RBFOX1: variants seen among roughly 807,000 people sequenced by gnomAD.
RBFOX1 encodes the protein RNA binding fox-1 homolog 1.
In RBFOX1, 8 loss-of-function variants were observed where a neutral mutation model predicts 57.7. That is an observed-to-expected ratio of 0.14 (90% CI 0.08 to 0.25). The LOEUF (loss-of-function observed/expected upper bound fraction) is 0.25. Ranked by LOEUF, RBFOX1 falls within the 10% of genes least tolerant of loss-of-function variation. The pLI is 1.00. For missense variants in RBFOX1, 611 were observed against 548.5 expected (o/e 1.11, Z -1.14); for synonymous variants, 326 against 222.4 (o/e 1.47, Z -4.15).
chr16:6,011,188 G>A (rs543936230), intron 4 of RBFOX1, among the ~76,000 whole-genome samples: 32 of 152,328 alleles, frequency 2.1e-4, no homozygotes, highest in African/African-American at 7.2e-4. Context: ...AGTACATTAA[G>A]GCAAAGCTAT....
intron 3 of RBFOX1, among the ~76,000 whole-genome samples, chr16:5,659,399 G>A (rs900871179): frequency 6.6e-5 from 10 of 151,358 alleles, no homozygotes; most frequent in African/African-American, 2.4e-4. Flanking sequence ...TGCCTCCCGG[G>A]TTCACGTCAT....
chr16:7,156,628 C>G (rs924577876), intron 4 of RBFOX1, among the ~76,000 whole-genome samples: 3 of 151,974 alleles, frequency 2.0e-5, no homozygotes, highest in African/African-American at 7.2e-5. Flanking sequence ...TATACATATG[C>G]TGGAAGTCTA....
At chr16:5,908,602 C>T (rs1022790614) in intron 4 of RBFOX1, among the ~76,000 whole-genome samples, 2 of 152,078 alleles carry the variant, frequency 1.3e-5, no homozygotes, top group African/African-American at 4.8e-5. Context: ...ATCCACCCAC[C>T]TTGGCCTCCC....
chr16:6,260,534 A>ATCTC (rs1211768270), intron 1 of RBFOX1, among the ~76,000 whole-genome samples: 1 of 152,144 alleles, frequency 6.6e-6, no homozygotes, highest in Non-Finnish European at 1.5e-5. Context: ...AGCCATTGAG[A>ATCTC]AATGGCTTTT....
At chr16:6,127,568 G>A (rs1277983957) in intron 1 of RBFOX1, among the ~76,000 whole-genome samples, 2 of 152,116 alleles carry the variant, frequency 1.3e-5, no homozygotes, top group African/African-American at 2.4e-5. Context: ...GTTAGGTGGT[G>A]GTAAGTCTCT....
chr16:6,687,407 C>CA (rs1248379571), intron 3 of RBFOX1, among the ~76,000 whole-genome samples: 2 of 152,050 alleles, frequency 1.3e-5, no homozygotes. Flanking sequence ...CCCATGTAAC[C>CA]AAAAACCACT....
intron 3 of RBFOX1, among the ~76,000 whole-genome samples, chr16:6,993,624 A>G (rs1453045448): frequency 6.6e-6 from 1 of 152,064 alleles, no homozygotes; most frequent in Non-Finnish European, 1.5e-5. Flanking sequence ...TTAAAATTCC[A>G]CTCAGCCGGG....
chr16:7,390,371 C>G (rs1250687394), intron 4 of RBFOX1, among the ~76,000 whole-genome samples: 1 of 152,102 alleles, frequency 6.6e-6, no homozygotes, highest in Non-Finnish European at 1.5e-5. Flanking sequence ...CTGAGAGACA[C>G]CCAAACTCAT....
At chr16:7,059,248 C>T (rs1221493580) in intron 4 of RBFOX1, among the ~76,000 whole-genome samples, 1 of 152,152 alleles carries the variant, frequency 6.6e-6, no homozygotes, top group African/African-American at 2.4e-5. Context: ...TCCTTAGTGG[C>T]TCTTACGATA....
chr16:6,937,114 AG>A (rs1318269097), intron 3 of RBFOX1, among the ~76,000 whole-genome samples: 2 of 152,330 alleles, frequency 1.3e-5, no homozygotes, highest in Non-Finnish European at 2.9e-5. Context: ...AAATAAAAAA[AG>A]ATCCATCAGC....
At chr16:6,307,935 A>G (rs1485017066) in intron 1 of RBFOX1, among the ~76,000 whole-genome samples, 1 of 147,956 alleles carries the variant, frequency 6.8e-6, no homozygotes, top group East Asian at 2.0e-4. Context: ...ATAATCATAT[A>G]TTCATTTAGG....
intron 2 of RBFOX1, among the ~76,000 whole-genome samples, chr16:5,586,211 C>T (rs2046823270): frequency 6.6e-6 from 1 of 152,074 alleles, no homozygotes; most frequent in Non-Finnish European, 1.5e-5. Context: ...AGGAGCCAGC[C>T]CTGCCCACAC....
chr16:7,223,315 T>C (rs779798120), intron 4 of RBFOX1, among the ~76,000 whole-genome samples: 11 of 152,194 alleles, frequency 7.2e-5, no homozygotes, highest in South Asian at 2.1e-4. Context: ...AGCATGTAAA[T>C]GATTTTTCCG....
rs889636962 is a variant in RBFOX1 at position 5,891,369 on chromosome 16, T to C, written c.351+24034T>C. 7.5e-4 allele frequency among the ~76,000 whole-genome samples: 114 copies of C among 152,122 alleles called. 1 individual carries two copies. Among genetic ancestry groups the C allele is most frequent in the Non-Finnish European group, 1.6e-4 (11 of 68,014 alleles). ...TTGGTTTCAAGTTCTTTGTGTTCTTTCCCCAAAACAAGCGCCTTCTATGCC... is the reference window on the plus strand; with the variant it reads ...TTGGTTTCAAGTTCTTTGTGTTCTTCCCCCAAAACAAGCGCCTTCTATGCC... On this transcript the variant is annotated intron_variant, in intron 4 of 19. Coordinates refer to the RBFOX1 transcript ENST00000641259.
chr16:5,555,119 C>T (rs992890106), intron 2 of RBFOX1, among the ~76,000 whole-genome samples: 4 of 152,176 alleles, frequency 2.6e-5, no homozygotes, highest in Non-Finnish European at 5.9e-5. Flanking sequence ...GCCCGGGGTA[C>T]AGGGCAAGAG....
At chr16:5,801,217 C>G (rs2055044553) in intron 3 of RBFOX1, among the ~76,000 whole-genome samples, 2 of 152,054 alleles carry the variant, frequency 1.3e-5, no homozygotes, top group Admixed American at 6.6e-5. Context: ...ATGTATTTTA[C>G]TAATTATAAA....
At position 6,617,489 on chromosome 16, in the gene RBFOX1, G is replaced by A. The variant is rs185110320; in HGVS notation, c.-63-37114G>A. Among the ~76,000 whole-genome samples the A allele has an allele frequency of 2.6e-3, 399 of 151,724 alleles. 1 individual carries two copies. The highest frequency in any genetic ancestry group is 6.1e-3 in the East Asian group (31 of 5,054). Reference sequence around the variant, plus strand: ...CATGGATGTAATTGATTTCAAACTTGTATTTTTCCTAGCAGAAGTTTCACT... The same window carrying A: ...CATGGATGTAATTGATTTCAAACTTATATTTTTCCTAGCAGAAGTTTCACT... On this transcript the variant is annotated intron_variant, in intron 2 of 15. Coordinates refer to ENST00000550418, the MANE Select transcript of RBFOX1 (RefSeq NM_018723.4).
chr16:6,260,736 C>G (rs889454928), intron 1 of RBFOX1, among the ~76,000 whole-genome samples: 6 of 151,984 alleles, frequency 3.9e-5, no homozygotes, highest in African/African-American at 1.2e-4. Flanking sequence ...CAAAAATGAG[C>G]CAGGCGTGGT....
chr16:5,262,494 T>C (rs2062759269), intron 1 of RBFOX1, among the ~76,000 whole-genome samples: 1 of 152,330 alleles, frequency 6.6e-6, no homozygotes, highest in South Asian at 2.1e-4. Flanking sequence ...AGTTTAGATG[T>C]GGACTCGAGT....
Sources: gnomAD v4.1 joint callset for allele counts (sites outside exome capture counted in the v4.1 genomes callset) on GRCh38, gnomAD v4.1.1 for gene constraint, MANE v1.5 for transcripts, NCBI Gene and HGNC (gene_info 2026-07-23, HGNC 2026-07-21) for gene names.